PRELID3A: variants seen among roughly 807,000 people sequenced by gnomAD.
PRELID3A encodes PRELI domain containing 3A.
PRELID3A carries 27 observed loss-of-function variants against 23.0 expected under a neutral mutation model. The ratio of observed to expected loss-of-function variants is 1.17; its 90% CI spans 0.87 to 1.62. The LOEUF (loss-of-function observed/expected upper bound fraction) is 1.62, where lower values mean the gene tolerates loss of function less well. Ranked by LOEUF, PRELID3A falls within the 40% of genes most tolerant of loss-of-function variation. PRELID3A has a pLI of 0.00. For missense variants in PRELID3A, 231 were observed against 231.4 expected, an observed-to-expected ratio of 1.00 and a Z score of 0.01; for synonymous variants, 87 against 86.4, an observed-to-expected ratio of 1.01 and a Z score of -0.04.
chr18:12,421,053 T>A (rs1171460999), intron 2 of PRELID3A, among the ~76,000 whole-genome samples: 1 of 152,148 alleles, frequency 6.6e-6, no homozygotes, highest in African/African-American at 2.4e-5. Flanking sequence ...GGGAGGTCGC[T>A]GGAAATGCAA....
intron 3 of PRELID3A, among the ~76,000 whole-genome samples, chr18:12,424,135 C>T (rs960548733): frequency 6.6e-6 from 1 of 152,208 alleles, no homozygotes; most frequent in Non-Finnish European, 1.5e-5. Flanking sequence ...AGGAGCCTGT[C>T]AGGTCCCCAC....
rs11080576 is a variant in PRELID3A at position 12,413,209 on chromosome 18, C to A, written c.32+5202C>A. ...TAGAGTATTGAACTCTGAGGCCTAG[C>A]GGGGGTAATCGGTTGAGCTCAGGAG... is the stretch of plus-strand genomic sequence containing the variant. On this transcript the variant is annotated intron_variant, in intron 1 of 6. Coordinates refer to ENST00000440960, the MANE Select transcript of PRELID3A (RefSeq NM_001142405.2). Among the ~76,000 whole-genome samples the A allele has an allele frequency of 8.4e-3, 1,284 of 152,258 alleles. 52 individuals are homozygous for A. The highest frequency in any genetic ancestry group is 0.068 in the Admixed American group (1,039 of 15,292).
At chr18:12,426,485 C>T (rs1183021365) in intron 3 of PRELID3A, among the ~76,000 whole-genome samples, 3 of 140,838 alleles carry the variant, frequency 2.1e-5, no homozygotes, top group Non-Finnish European at 3.0e-5. Flanking sequence ...ACCCAGGAGG[C>T]AGAGCTTTCA....
In PRELID3A at chr18:12,411,933, C is replaced by G. The variant is rs111798975; in HGVS notation, c.32+3926C>G. Reference sequence around the variant, plus strand: ...CTTTCTTTTTTTTTTTTTTTTGAGACGGAGTCTCGCTCTGTCGCCCAGGCT... The same window carrying G: ...CTTTCTTTTTTTTTTTTTTTTGAGAGGGAGTCTCGCTCTGTCGCCCAGGCT... On this transcript the variant is annotated intron_variant, in intron 1 of 6. Coordinates refer to ENST00000440960, the MANE Select transcript of PRELID3A (RefSeq NM_001142405.2). 8.1e-3 allele frequency among the ~76,000 whole-genome samples: 1,120 copies of G among 137,600 alleles called. 25 individuals are homozygous for G. Among genetic ancestry groups the G allele is most frequent in the African/African-American group, 0.031 (1,090 of 35,432 alleles). 90.3% of individuals were successfully genotyped at this position (137,600 alleles called of 152,430 possible).
At chr18:12,412,488 C>G (rs1363036256) in intron 1 of PRELID3A, among the ~76,000 whole-genome samples, 1 of 152,182 alleles carries the variant, frequency 6.6e-6, no homozygotes, top group Non-Finnish European at 1.5e-5. Flanking sequence ...GCGCCTAGCC[C>G]TATTGTTTTT....
intron 3 of PRELID3A, among the ~76,000 whole-genome samples, chr18:12,425,406 G>A (rs2030321932): frequency 2.1e-5 from 3 of 145,316 alleles, no homozygotes; most frequent in African/African-American, 7.7e-5. Flanking sequence ...GGATCATGAG[G>A]TCAGGAGATC....
intron 1 of PRELID3A, among the ~76,000 whole-genome samples, chr18:12,416,102 G>A (rs907895971): frequency 1.3e-5 from 2 of 152,192 alleles, no homozygotes; most frequent in African/African-American, 4.8e-5. Flanking sequence ...AACCCTGACT[G>A]ATTTCGGCAG....
chr18:12,422,023 T>G (rs1176434395), intron 3 of PRELID3A, among the ~76,000 whole-genome samples: 1 of 151,510 alleles, frequency 6.6e-6, no homozygotes, highest in Non-Finnish European at 1.5e-5. Context: ...CAGTGCAGCC[T>G]CGCACTCCTG....
Position 12,407,948 on chromosome 18 carries a change from G to A in PRELID3A, c.-28G>A. 1 of 1,291,942 alleles carries A rather than the reference G, an allele frequency of 7.7e-7. No homozygotes were observed. The highest frequency in any genetic ancestry group is 9.8e-7 in the Non-Finnish European group (1 of 1,022,430). 80.0% of individuals were successfully genotyped at this position (1,291,942 alleles called of 1,614,324 possible). ...CGGCCCGAAGCACCCGGCCCGGATC[G>A]CAGAGCCCGCGCCCTGCGCCGGCGG... On this transcript the variant is annotated 5_prime_UTR_variant, in exon 1 of 7. Transcript: ENST00000440960.
At chr18:12,417,539 AAT>A (rs1425561331) in intron 1 of PRELID3A, among the ~76,000 whole-genome samples, 1 of 152,198 alleles carries the variant, frequency 6.6e-6, no homozygotes, top group African/African-American at 2.4e-5. Flanking sequence ...AAAATCTCTC[AAT>A]GTTTAGATTA....
intron 1 of PRELID3A, 168 bp from the exon 2 acceptor site, chr18:12,420,157 C>T: frequency 7.0e-7 from 1 of 1,428,768 alleles, no homozygotes; most frequent in South Asian, 1.5e-5. Context: ...AGGTGCTGAG[C>T]CGGCGGCCGG....
chr18:12,429,272 G>T, intron 5 of PRELID3A, 78 bp from the exon 6 acceptor site: 1 of 1,248,968 alleles, frequency 8.0e-7, no homozygotes, highest in South Asian at 1.2e-5. Context: ...CTGCAGTTTA[G>T]CCTGTGGACT....
At chr18:12,420,277 G>A in intron 1 of PRELID3A, 48 bp from the exon 2 acceptor site, 13 of 1,542,782 alleles carry the variant, frequency 8.4e-6, no homozygotes, top group Non-Finnish European at 1.1e-5. Flanking sequence ...TCACCCTTGC[G>A]GCCCCGGCCC....
At chr18:12,417,659 G>A (rs564156466) in intron 1 of PRELID3A, among the ~76,000 whole-genome samples, 2 of 152,164 alleles carry the variant, frequency 1.3e-5, no homozygotes, top group Non-Finnish European at 2.9e-5. Context: ...ATTCATTGAG[G>A]AGGCTCTCCT....
chr18:12,408,654 A>C (rs1445907379), intron 1 of PRELID3A, among the ~76,000 whole-genome samples: 1 of 152,120 alleles, frequency 6.6e-6, no homozygotes, highest in Non-Finnish European at 1.5e-5. Flanking sequence ...AGCCAGGCCC[A>C]GAAAGACAAG....
intron 1 of PRELID3A, among the ~76,000 whole-genome samples, chr18:12,409,172 T>TTTG (rs1369604725): frequency 7.3e-6 from 1 of 137,712 alleles, no homozygotes; most frequent in African/African-American, 2.8e-5. Context: ...TTTTTTTTTT[T>TTTG]TTTTTTTTTT....
chr18:12,429,431 ATGG>A lies in PRELID3A; in HGVS notation c.*33+1_*33+3del. ...AGGCCTGTGCCTGTGCTTGTCATAA[ATGG>A]TGGTGAGTACAGTATTCACTCACCT... On this transcript the variant is annotated splice_region_variant and 3_prime_UTR_variant, in exon 6 of 7. Coordinates refer to ENST00000440960, the MANE Select transcript of PRELID3A (RefSeq NM_001142405.2). 1 of 1,606,490 alleles carries A rather than the reference ATGG, an allele frequency of 6.2e-7. No homozygotes were observed.
intron 1 of PRELID3A, among the ~76,000 whole-genome samples, chr18:12,408,449 C>T (rs750893055): frequency 9.3e-4 from 141 of 152,170 alleles, no homozygotes; most frequent in Non-Finnish European, 1.7e-3. Flanking sequence ...ATAAACCTTC[C>T]GCGCGTTTCA....
At chr18:12,418,850 C>T (rs986393055) in intron 1 of PRELID3A, among the ~76,000 whole-genome samples, 5 of 152,072 alleles carry the variant, frequency 3.3e-5, no homozygotes, top group African/African-American at 1.2e-4. Context: ...GTGCAGAGCT[C>T]TGGAAAGCAA....
Sources: gnomAD v4.1 joint callset for allele counts (sites outside exome capture counted in the v4.1 genomes callset) on GRCh38, gnomAD v4.1.1 for gene constraint, MANE v1.5 for transcripts, NCBI Gene and HGNC (gene_info 2026-07-23, HGNC 2026-07-21) for gene names.